Variants in SMIM35 observed in about 807,000 individuals in gnomAD.
SMIM35 encodes the protein TMPRSS4 antisense RNA 1 (non-protein coding).
At chr11:118,065,897 T>G (rs1944466800) in intron 1 of SMIM35, among the ~76,000 whole-genome samples, 1 of 152,160 alleles carries the variant, frequency 6.6e-6, no homozygotes, top group South Asian at 2.1e-4. Flanking sequence ...CTGGTAACAA[T>G]CAGGGTCTGA....
intron 1 of SMIM35, chr11:118,029,651 C>A (rs1410326227): frequency 2.2e-6 from 1 of 457,358 alleles, no homozygotes; most frequent in South Asian, 1.5e-5. Context: ...CCAGCAGTTT[C>A]TTCTAGCATC....
intron 1 of SMIM35, among the ~76,000 whole-genome samples, chr11:118,071,112 C>T (rs181855516): frequency 1.4e-4 from 21 of 152,324 alleles, no homozygotes; most frequent in Admixed American, 7.8e-4. Context: ...ATTTCCTTAC[C>T]GTGTGTGGCT....
chr11:118,064,637 T>C (rs1944441661), intron 1 of SMIM35, among the ~76,000 whole-genome samples: 1 of 151,766 alleles, frequency 6.6e-6, no homozygotes, highest in Admixed American at 6.6e-5. Context: ...TTGTTGTTTT[T>C]TTCATCACTA....
Position 118,041,504 on chromosome 11 carries a change from G to A in SMIM35, c.8-25695C>T, listed in dbSNP as rs959593188. 3.9e-5 allele frequency among the ~76,000 whole-genome samples: 6 copies of A among 152,000 alleles called. No individual in the cohort carries two copies. In the South Asian group the frequency reaches 1.2e-3, roughly 32 times the overall value. On this transcript the variant is annotated intron_variant, in intron 1 of 4. Transcript: ENST00000689828. The stretch of plus-strand genomic sequence containing the variant: ...TTAGAAATCAATAGCAAAATAAATG[G>A]GAATAATTCTACAAATATGTGGAAA...
chr11:118,046,017 T>C (rs968552992), intron 1 of SMIM35, among the ~76,000 whole-genome samples: 1 of 152,222 alleles, frequency 6.6e-6, no homozygotes, highest in African/African-American at 2.4e-5. Context: ...AGGAGAGTTA[T>C]ATGGCTCCTG....
At position 118,015,594 on chromosome 11, in the gene SMIM35, C is replaced by T. The variant is rs61902599; in HGVS notation, c.124+99G>A. On this transcript the variant is annotated intron_variant, in intron 2 of 4. Transcript: ENST00000689828. Reference sequence around the variant, plus strand: ...ACCACAGGAAATATTTTTCATCCCACCATGCTGAAGAGTTTGCAGCCCTGC... The same window carrying T: ...ACCACAGGAAATATTTTTCATCCCATCATGCTGAAGAGTTTGCAGCCCTGC... The T allele has an allele frequency of 6.3e-4, 252 of 398,868 alleles. 1 individual carries two copies. Among genetic ancestry groups the T allele is most frequent in the Non-Finnish European group, 9.7e-4 (220 of 226,150 alleles). 24.7% of individuals were successfully genotyped at this position (398,868 alleles called of 1,614,324 possible).
chr11:118,056,906 G>A (rs566419164), intron 1 of SMIM35, among the ~76,000 whole-genome samples: 1 of 152,194 alleles, frequency 6.6e-6, no homozygotes, highest in Non-Finnish European at 1.5e-5. Context: ...CCAGACCACC[G>A]AGGGGTGTAG....
intron 1 of SMIM35, among the ~76,000 whole-genome samples, chr11:118,022,596 T>C (rs1396726151): frequency 2.0e-5 from 3 of 152,074 alleles, no homozygotes; most frequent in African/African-American, 7.2e-5. Context: ...AAAATGTAAG[T>C]TGAGGAGACA....
intron 1 of SMIM35, among the ~76,000 whole-genome samples, chr11:118,082,844 G>A (rs1057440963): frequency 5.3e-5 from 8 of 152,338 alleles, no homozygotes; most frequent in African/African-American, 1.9e-4. Flanking sequence ...TTCAGGCTGA[G>A]AGTGAGCTCT....
chr11:118,035,400 C>T (rs559570300), intron 1 of SMIM35, among the ~76,000 whole-genome samples: 16 of 152,318 alleles, frequency 1.1e-4, no homozygotes, highest in Admixed American at 7.8e-4. Context: ...GTACTAGACA[C>T]TGGGCATAGA....
chr11:118,037,262 C>A (rs1353520095), intron 1 of SMIM35, among the ~76,000 whole-genome samples: 2 of 152,228 alleles, frequency 1.3e-5, no homozygotes, highest in Non-Finnish European at 2.9e-5. Flanking sequence ...CATAGGCTAG[C>A]AGGCCGGTCC....
intron 1 of SMIM35, among the ~76,000 whole-genome samples, chr11:118,085,949 C>T (rs1945524161): frequency 6.6e-6 from 1 of 152,218 alleles, no homozygotes; most frequent in African/African-American, 2.4e-5. Flanking sequence ...GAATGGGCTG[C>T]TTCCCCTAGG....
At chr11:118,018,013 A>G (rs1284346563) in intron 1 of SMIM35, among the ~76,000 whole-genome samples, 1 of 152,196 alleles carries the variant, frequency 6.6e-6, no homozygotes, top group Non-Finnish European at 1.5e-5. Flanking sequence ...ATCTGGGTGA[A>G]GACACAGCCA....
intron 1 of SMIM35, chr11:118,059,049 T>A (rs1357281748): frequency 6.6e-6 from 1 of 152,160 alleles, no homozygotes; most frequent in Non-Finnish European, 1.5e-5. Flanking sequence ...CCTCCACACT[T>A]GGGTTTGTCC....
At chr11:118,048,996 A>G (rs1944162771) in intron 1 of SMIM35, among the ~76,000 whole-genome samples, 1 of 149,646 alleles carries the variant, frequency 6.7e-6, no homozygotes, top group Admixed American at 6.7e-5. Context: ...TTTGCCAATA[A>G]TCATAATGTA....
chr11:118,059,316 A>C (rs1159451742), intron 1 of SMIM35: 1 of 152,366 alleles, frequency 6.6e-6, no homozygotes, highest in African/African-American at 2.4e-5. Context: ...TGTGATGCCC[A>C]GGCATGGGGG....
intron 4 of SMIM35, among the ~76,000 whole-genome samples, chr11:118,008,622 G>A (rs540279787): frequency 6.6e-6 from 1 of 152,380 alleles, no homozygotes; most frequent in East Asian, 1.9e-4. Context: ...CTGATCATGA[G>A]CACAAGGTTG....
chr11:118,058,766 G>T (rs1401400673), intron 1 of SMIM35, among the ~76,000 whole-genome samples: 1 of 152,242 alleles, frequency 6.6e-6, no homozygotes, highest in East Asian at 1.9e-4. Context: ...CAAGAGCCCA[G>T]CTCGGGGGGC....
intron 1 of SMIM35, among the ~76,000 whole-genome samples, chr11:118,051,876 C>T (rs1333786531): frequency 1.3e-5 from 2 of 152,102 alleles, no homozygotes; most frequent in African/African-American, 4.8e-5. Flanking sequence ...TATACTAATA[C>T]TAATACTCTT....
Sources: gnomAD v4.1 joint callset for allele counts (sites outside exome capture counted in the v4.1 genomes callset) on GRCh38, gnomAD v4.1.1 for gene constraint, MANE v1.5 for transcripts, NCBI Gene and HGNC (gene_info 2026-07-23, HGNC 2026-07-21) for gene names.